NAALAD2: variants seen among roughly 807,000 people sequenced by gnomAD.
NAALAD2 encodes N-acetylated alpha-linked acidic dipeptidase 2, also known as N-acetylated-alpha-linked acidic dipeptidase 2.
A neutral mutation model predicts 95.6 loss-of-function variants in NAALAD2; 89 were observed. That is an observed-to-expected ratio of 0.93 (90% CI 0.78 to 1.11). The LOEUF (loss-of-function observed/expected upper bound fraction) is 1.11, where lower values mean the gene tolerates loss of function less well. NAALAD2 is among the 50% of genes least tolerant of loss of function. NAALAD2 has a pLI of 0.00. For missense variants in NAALAD2, 894 were observed against 872.4 expected (o/e 1.02, Z -0.31); for synonymous variants, 264 against 294.4 (o/e 0.90, Z 1.06).
At chr11:90,163,494 A>C in intron 10 of NAALAD2, 41 bp from the exon 11 acceptor site, 1 of 1,613,068 alleles carries the variant, frequency 6.2e-7, no homozygotes, top group East Asian at 2.2e-5. Flanking sequence ...TTTATTTTTT[A>C]GGCAGTTGTA....
rs573042611 is a variant in NAALAD2, at chr11:90,155,737, A to T, written c.797-2408A>T. Among the ~76,000 whole-genome samples the T allele has an allele frequency of 1.4e-3, 154 of 111,284 alleles. 4 individuals carry two copies. The highest frequency in any genetic ancestry group is 5.2e-3 in the African/African-American group (144 of 27,896). The allele number at this position is 111,284 out of a possible 152,430, so 73.0% of individuals were successfully genotyped here. The stretch of plus-strand genomic sequence containing the variant: ...GTATGTATGTAATACATACATACAT[A>T]TGTATGTATTATTACATATGTATGT... On this transcript the variant is annotated intron_variant, in intron 6 of 18. Coordinates refer to ENST00000534061, the MANE Select transcript of NAALAD2 (RefSeq NM_005467.4).
At chr11:90,135,422 T>A in intron 1 of NAALAD2, 137 bp from the exon 2 acceptor site, 1 of 467,212 alleles carries the variant, frequency 2.1e-6, no homozygotes, top group Non-Finnish European at 3.8e-6. Flanking sequence ...ATAAACATTA[T>A]TTTTTAAAGC....
At chr11:90,140,413 T>G (rs1156374515) in intron 2 of NAALAD2, among the ~76,000 whole-genome samples, 1 of 151,940 alleles carries the variant, frequency 6.6e-6, no homozygotes, top group Non-Finnish European at 1.5e-5. Context: ...GATAAAATAC[T>G]TTTACATGTA....
intron 18 of NAALAD2, among the ~76,000 whole-genome samples, chr11:90,184,077 T>C (rs1292451076): frequency 1.3e-5 from 2 of 152,140 alleles, no homozygotes; most frequent in Non-Finnish European, 1.5e-5. Context: ...CTAGTTCACT[T>C]GCAGATGTGT....
At chr11:90,169,763 A>T (rs1287191735) in intron 12 of NAALAD2, 4 of 321,704 alleles carry the variant, frequency 1.2e-5, no homozygotes, top group Non-Finnish European at 2.3e-5. Flanking sequence ...AATGCTACAG[A>T]CTTACCACTT....
intron 6 of NAALAD2, among the ~76,000 whole-genome samples, chr11:90,154,306 A>G (rs1045936064): frequency 5.3e-5 from 8 of 151,930 alleles, no homozygotes; most frequent in African/African-American, 1.9e-4. Context: ...CCTTTGTCAC[A>G]ATGAGGAAGT....
intron 18 of NAALAD2, among the ~76,000 whole-genome samples, chr11:90,187,176 GT>G (rs1290584699): frequency 4.0e-4 from 60 of 151,288 alleles, no homozygotes; most frequent in African/African-American, 1.4e-3. Context: ...GAAACAACAG[GT>G]GCTGGAGAGG....
intron 16 of NAALAD2, among the ~76,000 whole-genome samples, chr11:90,179,481 T>G (rs1231785283): frequency 2.6e-5 from 4 of 152,066 alleles, no homozygotes; most frequent in Non-Finnish European, 5.9e-5. Flanking sequence ...AAAGGATTAG[T>G]AATCTTTATA....
intron 11 of NAALAD2, among the ~76,000 whole-genome samples, chr11:90,167,847 G>A (rs1004651475): frequency 2.6e-5 from 4 of 151,886 alleles, no homozygotes; most frequent in African/African-American, 7.3e-5. Context: ...CTGTCAAAAC[G>A]GAGCAATCGG....
At chr11:90,156,235 T>A (rs566454197) in intron 6 of NAALAD2, among the ~76,000 whole-genome samples, 35 of 152,168 alleles carry the variant, frequency 2.3e-4, no homozygotes, top group African/African-American at 8.2e-4. Context: ...TTTCTTTTTT[T>A]AAATTTAAAT....
chr11:90,186,176 C>T (rs1043959768), intron 18 of NAALAD2, among the ~76,000 whole-genome samples: 1 of 149,544 alleles, frequency 6.7e-6, no homozygotes, highest in Non-Finnish European at 1.5e-5. Flanking sequence ...ATCCCTCCCT[C>T]CTCCCCCCAC....
At chr11:90,175,821 G>A in intron 14 of NAALAD2, 151 bp from the exon 15 acceptor site, 1 of 429,400 alleles carries the variant, frequency 2.3e-6, no homozygotes, top group Non-Finnish European at 4.1e-6. Context: ...TGTCTTGATG[G>A]TGGTTGACCT....
chr11:90,132,985 A>AG (rs1357710037), upstream of NAALAD2, among the ~76,000 whole-genome samples: 1 of 152,222 alleles, frequency 6.6e-6, no homozygotes, highest in Non-Finnish European at 1.5e-5. Flanking sequence ...AAAGTTAAGT[A>AG]CCAGGTATGC....
At position 90,135,682 on chromosome 11, in the gene NAALAD2, T is replaced by G. The variant is rs1173220573; in HGVS notation, c.194+12T>G. On this transcript the variant is annotated intron_variant, in intron 2 of 18. Transcript: ENST00000534061. ...AAATCATTTCTTCGGTAAGTTTATT[T>G]TACGTATTTGATCTTAAAAATCATG... 2 of 1,595,778 alleles carry G rather than the reference T, an allele frequency of 1.3e-6. No individual in the cohort carries two copies. Among genetic ancestry groups the G allele is most frequent in the Admixed American group, 1.7e-5 (1 of 59,378 alleles).
chr11:90,170,168 C>T lies in NAALAD2; in HGVS notation c.1410+32C>T, dbSNP rs761416508. 4.9e-6 allele frequency: 6 copies of T among 1,234,454 alleles called. No homozygotes were observed. The Admixed American group carries it at 8.5e-5, about 17-fold the overall frequency. The allele number at this position is 1,234,454 out of a possible 1,614,324, so 76.5% of individuals were successfully genotyped here. ...AAGGAAATGTGTCTTCATATGTTCT[C>T]TTTTGAATGGATAAATGAATAACGT... On this transcript the variant is annotated intron_variant, in intron 13 of 18. Coordinates refer to ENST00000534061, the MANE Select transcript of NAALAD2 (RefSeq NM_005467.4).
chr11:90,178,198 T>A, intron 16 of NAALAD2, 81 bp downstream of exon 16: 1 of 1,409,650 alleles, frequency 7.1e-7, no homozygotes, highest in Non-Finnish European at 9.6e-7. Context: ...TCAATGCATA[T>A]TGTTTCATCC....
At chr11:90,159,096 G>A (rs1952207003) in intron 7 of NAALAD2, 143 bp from the exon 8 acceptor site, 4 of 657,384 alleles carry the variant, frequency 6.1e-6, no homozygotes, top group South Asian at 3.5e-5. Context: ...CTCCACAAAG[G>A]GCGGGCTTTT....
At chr11:90,172,442 A>G (rs12802367) in intron 13 of NAALAD2, among the ~76,000 whole-genome samples, 6,321 of 152,254 alleles carry the variant, frequency 0.042, 179 homozygotes, top group Non-Finnish European at 0.063. Context: ...TTATCAGTAG[A>G]CACAACACAT....
intron 5 of NAALAD2, among the ~76,000 whole-genome samples, chr11:90,150,874 GA>G (rs765358860): frequency 3.3e-5 from 5 of 152,072 alleles, no homozygotes; most frequent in Middle Eastern, 3.4e-3. Context: ...AGTAAAAAAT[GA>G]AAAGCTTCTC....
Sources: allele counts gnomAD v4.1 joint callset (sites outside exome capture counted in the v4.1 genomes callset), GRCh38; gene constraint gnomAD v4.1.1; transcripts MANE v1.5; gene names NCBI Gene and HGNC (gene_info 2026-07-23, HGNC 2026-07-21).